Variants in ASPG observed in about 807,000 individuals in gnomAD.
ASPG encodes 60 kDa lysophospholipase.
Under a neutral mutation model 63.2 loss-of-function variants are expected in ASPG, and 53 were observed. The observed-to-expected ratio is 0.84, with a 90% confidence interval of 0.67 to 1.05. The LOEUF (loss-of-function observed/expected upper bound fraction) is 1.05, where lower values mean the gene tolerates loss of function less well. ASPG is among the 50% of genes least tolerant of loss of function. The pLI is 0.00. For synonymous variants in ASPG, 370 were observed against 355.0 expected (o/e 1.04, Z -0.48); for missense variants, 741 against 794.4 (o/e 0.93, Z 0.81).
intron 1 of ASPG, among the ~76,000 whole-genome samples, chr14:104,089,803 C>T (rs979837634): frequency 3.2e-4 from 49 of 151,872 alleles, no homozygotes; most frequent in African/African-American, 1.1e-3. Flanking sequence ...AAAAAATTAG[C>T]TAGGTGTGGT....
At chr14:104,106,421 G>A (rs1054027085) in intron 10 of ASPG, among the ~76,000 whole-genome samples, 2 of 152,180 alleles carry the variant, frequency 1.3e-5, no homozygotes, top group African/African-American at 2.4e-5. Flanking sequence ...TCCAGGGGAG[G>A]GGTCTGGCTC....
intron 10 of ASPG, among the ~76,000 whole-genome samples, chr14:104,106,536 G>C (rs531961998): frequency 6.6e-6 from 1 of 152,182 alleles, no homozygotes; most frequent in Non-Finnish European, 1.5e-5. Flanking sequence ...CCACACACCC[G>C]TTGGGGACAG....
At chr14:104,098,514 C>T (rs959714250) in intron 5 of ASPG, among the ~76,000 whole-genome samples, 3 of 152,162 alleles carry the variant, frequency 2.0e-5, no homozygotes, top group Non-Finnish European at 4.4e-5. Flanking sequence ...GGGATGAGTT[C>T]CCAGGGCTCT....
At chr14:104,086,191 C>T (rs1278194717) in intron 1 of ASPG, among the ~76,000 whole-genome samples, 1 of 152,186 alleles carries the variant, frequency 6.6e-6, no homozygotes, top group Non-Finnish European at 1.5e-5. Context: ...CATTGGCCTG[C>T]CGCTCCTGCT....
At chr14:104,085,948 A>G in intron 1 of ASPG, 96 bp downstream of exon 1, 1 of 1,186,446 alleles carries the variant, frequency 8.4e-7, no homozygotes, top group Non-Finnish European at 1.1e-6. Flanking sequence ...TGGGGAGTCA[A>G]ATCCGCGCCT....
chr14:104,092,562 C>G (rs1319158692), intron 1 of ASPG, 71 bp from the exon 2 acceptor site: 88 of 1,293,408 alleles, frequency 6.8e-5, no homozygotes, highest in Non-Finnish European at 9.3e-5. Flanking sequence ...TGGTCCTGCC[C>G]CTCAGTGAGG....
intron 6 of ASPG, among the ~76,000 whole-genome samples, chr14:104,100,541 C>A (rs1480772001): frequency 6.6e-6 from 1 of 152,176 alleles, no homozygotes; most frequent in East Asian, 1.9e-4. Flanking sequence ...CTGTCCTGGG[C>A]TCACACCCCG....
intron 12 of ASPG, chr14:104,108,652 C>A (rs925172382): frequency 8.1e-6 from 8 of 985,436 alleles, no homozygotes; most frequent in Non-Finnish European, 9.6e-6. Context: ...CGGCCTCGGG[C>A]CTTTGTGCCT....
rs563431304 is a variant in ASPG at position 104,106,882 on chromosome 14, G to T, written c.1257G>T (p.Ala419=). ...CCGGTGACGTGGAGGCGCTGCAGGC[G>T]CTTGTGGAGCTGGTGAGCCTCCCCC... ...AHAGDVEALQ[A]LVELGSDLGL... is the part of the protein sequence containing the mutation. The change falls in exon 11 of 16, where the codon GCG becomes GCT. Residue 419 remains alanine (A), a synonymous_variant. Coordinates refer to ENST00000551177, the MANE Select transcript of ASPG (RefSeq NM_001080464.3). The T allele has an allele frequency of 6.3e-7, 1 of 1,578,842 alleles. No homozygotes were observed. The highest frequency in any genetic ancestry group is 8.6e-7 in the Non-Finnish European group (1 of 1,165,618).
At chr14:104,095,417 G>T in intron 3 of ASPG, 114 bp from the exon 4 acceptor site, 2 of 1,456,538 alleles carry the variant, frequency 1.4e-6, no homozygotes, top group Non-Finnish European at 1.9e-6. Context: ...AGGGTCCCAC[G>T]GGTGCCTCCC....
intron 12 of ASPG, chr14:104,108,626 T>C: frequency 5.1e-6 from 5 of 985,426 alleles, no homozygotes; most frequent in Non-Finnish European, 6.0e-6. Context: ...CCCTGTACAA[T>C]GGGCTGTGTG....
chr14:104,111,035 T>G (rs1019172114), intron 13 of ASPG: 1 of 985,312 alleles, frequency 1.0e-6, no homozygotes, highest in African/African-American at 1.7e-5. Flanking sequence ...CCTCAAACTT[T>G]CCTTCCACCT....
chr14:104,112,040 A>C, intron 15 of ASPG, 40 bp downstream of exon 15: 1 of 1,527,426 alleles, frequency 6.5e-7, no homozygotes, highest in Non-Finnish European at 8.9e-7. Flanking sequence ...CCCCCCAGTG[A>C]GCTTCTAGTG....
chr14:104,113,760 G>A lies in ASPG; in HGVS notation c.*1216G>A, dbSNP rs185418316. 3.3e-5 allele frequency: 5 copies of A among 152,468 alleles called. No individual in the cohort carries two copies. The allele number at this position is 152,468 out of a possible 1,614,324, so 9.4% of individuals were successfully genotyped here. ...CTGGCATCCTTGCTGTCCTCACCCCGACACAGGTGTGCCTGGGCCTTGCAC... is the reference window on the plus strand; with the variant it reads ...CTGGCATCCTTGCTGTCCTCACCCCAACACAGGTGTGCCTGGGCCTTGCAC... On this transcript the variant is annotated 3_prime_UTR_variant, in exon 16 of 16. Coordinates refer to ENST00000551177, the MANE Select transcript of ASPG (RefSeq NM_001080464.3).
rs115649218 is a variant in ASPG at position 104,108,016 on chromosome 14, C to T, written c.1433+671C>T. Among the ~76,000 whole-genome samples, 1,278 of 152,166 alleles carry T rather than the reference C, an allele frequency of 8.4e-3. 27 individuals are homozygous for T. The highest frequency in any genetic ancestry group is 0.029 in the African/African-American group (1,209 of 41,496). Reference sequence around the variant, plus strand: ...GGCCTGCAGGACCCTGGGTTCTTTTCGGGGAGGGAGTGCTCAGGAGTCCCA... The same window carrying T: ...GGCCTGCAGGACCCTGGGTTCTTTTTGGGGAGGGAGTGCTCAGGAGTCCCA... On this transcript the variant is annotated intron_variant, in intron 12 of 15. Transcript: ENST00000551177.
chr14:104,109,022 T>G lies in ASPG; in HGVS notation c.1434-207T>G. On this transcript the variant is annotated intron_variant, in intron 12 of 15. Coordinates refer to ENST00000551177, the MANE Select transcript of ASPG (RefSeq NM_001080464.3). This position sits in a 1 kb window ranked among gnomAD's most constrained non-coding sequence, Gnocchi z 4.8. ...GCCCTAAGAAGGAGTACTGGACAAA[T>G]GGAGGTGGTGGGATCCCGGGATGAT... 1 of 985,040 alleles carries G rather than the reference T, an allele frequency of 1.0e-6. No individual in the cohort carries two copies. The highest frequency in any genetic ancestry group is 1.2e-6 in the Non-Finnish European group (1 of 829,858). 61.0% of individuals were successfully genotyped at this position (985,040 alleles called of 1,614,324 possible). A position where few individuals can be genotyped will look rare whatever the true frequency, so the allele number is the denominator to read the frequency against.
At chr14:104,095,795 G>A (rs2036571896) in intron 4 of ASPG, 139 bp downstream of exon 4, 15 of 1,171,804 alleles carry the variant, frequency 1.3e-5, no homozygotes, top group Admixed American at 4.9e-5. Context: ...TGCAGGGCCC[G>A]TGCTGGGGCT....
intron 5 of ASPG, among the ~76,000 whole-genome samples, chr14:104,098,127 CCGTTAGAGATACGTATGGAGGTTCTG>C (rs1566830564): frequency 7.5e-5 from 2 of 26,696 alleles, no homozygotes; most frequent in African/African-American, 2.5e-4. Flanking sequence ...TGGAGGTTCT[CCGTTAGAGATACGTATGGAGGTTCTG>C]CGTTAGAGAT....
rs775682696 is a variant in ASPG, at chr14:104,093,548, C to T, written c.249C>T (p.Phe83=). The change falls in exon 3 of 16, where the codon TTC becomes TTT. Residue 83 remains phenylalanine, a synonymous_variant. Coordinates refer to ENST00000551177, the MANE Select transcript of ASPG (RefSeq NM_001080464.3). ...LYTVLECQPL[F]DSSDMTIAEW... ...CCGTGCTGGAGTGCCAGCCCCTCTTCGACTCCAGTGACATGACCATCGCTG... is the reference window on the plus strand; with the variant it reads ...CCGTGCTGGAGTGCCAGCCCCTCTTTGACTCCAGTGACATGACCATCGCTG... 3.9e-5 allele frequency: 63 copies of T among 1,612,342 alleles called. No homozygotes were observed. The highest frequency in any genetic ancestry group is 1.3e-4 in the East Asian group (6 of 44,866).
Sources: gnomAD v4.1 joint callset for allele counts (sites outside exome capture counted in the v4.1 genomes callset) on GRCh38, gnomAD v4.1.1 for gene constraint, Gnocchi (gnomAD v3.1) non-coding constraint, MANE v1.5 for transcripts, NCBI Gene and HGNC (gene_info 2026-07-23, HGNC 2026-07-21) for gene names.